Variants in MACC1 observed in about 807,000 individuals in gnomAD.
MACC1 encodes the protein metastasis-associated in colon cancer protein 1.
In MACC1, 79 loss-of-function variants were observed where a neutral mutation model predicts 70.7. The observed-to-expected ratio is 1.12, with a 90% confidence interval of 0.93 to 1.35. The LOEUF (loss-of-function observed/expected upper bound fraction) is 1.35. Ranked by LOEUF, MACC1 falls within the 40% of genes most tolerant of loss-of-function variation. MACC1 has a pLI of 0.00. For missense variants in MACC1, 1,106 were observed against 978.1 expected, an observed-to-expected ratio of 1.13 and a Z score of -1.74; for synonymous variants, 361 against 347.2, an observed-to-expected ratio of 1.04 and a Z score of -0.44.
intron 1 of MACC1, among the ~76,000 whole-genome samples, chr7:20,214,199 CT>C (rs1357412015): frequency 4.6e-5 from 7 of 152,234 alleles, no homozygotes; most frequent in African/African-American, 1.7e-4. Flanking sequence ...TTTGAGCCCC[CT>C]GTTATCCAGC....
intron 1 of MACC1, among the ~76,000 whole-genome samples, chr7:20,191,150 C>G (rs1279884154): frequency 6.6e-6 from 1 of 152,190 alleles, no homozygotes; most frequent in Non-Finnish European, 1.5e-5. Context: ...GCATTTCAAG[C>G]AGAGGGGACT....
At chr7:20,163,574 T>C (rs1583390704) in intron 3 of MACC1, among the ~76,000 whole-genome samples, 1 of 152,246 alleles carries the variant, frequency 6.6e-6, no homozygotes, top group East Asian at 1.9e-4. Context: ...CAATGAAGTA[T>C]CATACAACTA....
chr7:20,147,424 C>G (rs546518277), intron 6 of MACC1: 1 of 152,320 alleles, frequency 6.6e-6, no homozygotes, highest in African/African-American at 2.4e-5. Flanking sequence ...TATAAACTTA[C>G]AGGAACAACA....
At chr7:20,189,184 A>T (rs75437771) in intron 1 of MACC1, among the ~76,000 whole-genome samples, 4,715 of 151,964 alleles carry the variant, frequency 0.031, 223 homozygotes, top group African/African-American at 0.11. Flanking sequence ...CTTATTTTTT[A>T]AAAAAAATAA....
At position 20,164,389 on chromosome 7, in the gene MACC1, C is replaced by A. The variant is rs1425292882; in HGVS notation, c.-142G>T. ...TTTTATTTTTTAAAGAAAGCAGAAG[C>A]CTTTTCTGATCTATAAAAATGAAAG... is the stretch of plus-strand genomic sequence containing the variant. On this transcript the variant is annotated 5_prime_UTR_variant, in exon 3 of 7. Coordinates refer to ENST00000400331, the MANE Select transcript of MACC1 (RefSeq NM_182762.4). 6.6e-6 allele frequency: 1 copy of A among 151,670 alleles called. No individual in the cohort carries two copies. The highest frequency in any genetic ancestry group is 2.4e-5 in the African/African-American group (1 of 41,232). 9.4% of individuals were successfully genotyped at this position (151,670 alleles called of 1,614,324 possible). A position where few individuals can be genotyped will look rare whatever the true frequency, so the allele number is the denominator to read the frequency against.
chr7:20,175,945 C>G (rs1373445710), intron 1 of MACC1, among the ~76,000 whole-genome samples: 1 of 151,990 alleles, frequency 6.6e-6, no homozygotes, highest in Non-Finnish European at 1.5e-5. Context: ...CACTGAAAAT[C>G]AGAGATCAGT....
At chr7:20,144,585 AG>A (rs1781859037) in intron 6 of MACC1, among the ~76,000 whole-genome samples, 4 of 152,158 alleles carry the variant, frequency 2.6e-5, no homozygotes, top group African/African-American at 2.4e-5. Context: ...TCTGGCATAT[AG>A]TTTGCATTTA....
At chr7:20,162,400 C>A (rs1356653245) in intron 3 of MACC1, among the ~76,000 whole-genome samples, 1 of 152,042 alleles carries the variant, frequency 6.6e-6, no homozygotes, top group Non-Finnish European at 1.5e-5. Flanking sequence ...TGTTTTGAAG[C>A]ATGTTGTTTA....
In MACC1 at chr7:20,159,481, C is replaced by T; in HGVS notation, c.880G>A (p.Ala294Thr). The T allele has an allele frequency of 6.2e-7, 1 of 1,614,074 alleles. No homozygotes were observed. Among genetic ancestry groups the T allele is most frequent in the Non-Finnish European group, 8.5e-7 (1 of 1,180,030 alleles). ...CTGAAAGGATCCTTTCTTACTTCAG[C>T]CCCAATTTTCATCTCCAGCAAAAGG... is the stretch of plus-strand genomic sequence containing the variant. Reference protein sequence around the residue: ...EALLLEMKIGAEVRKDPFSQV... With the variant: ...EALLLEMKIGTEVRKDPFSQV... The change falls in exon 5 of 7, where the codon GCT (alanine) becomes ACT (threonine). Residue 294 changes from alanine to threonine, a missense_variant. Ala to Thr is a moderately conservative substitution (Grantham distance 58). Coordinates refer to ENST00000400331, the MANE Select transcript of MACC1 (RefSeq NM_182762.4).
chr7:20,189,702 A>C (rs1782643277), intron 1 of MACC1, among the ~76,000 whole-genome samples: 2 of 151,792 alleles, frequency 1.3e-5, no homozygotes. Context: ...AGGAGAAAAA[A>C]TGGGGAAAAG....
intron 1 of MACC1, among the ~76,000 whole-genome samples, chr7:20,202,914 T>C (rs543592339): frequency 1.1e-4 from 16 of 152,360 alleles, no homozygotes; most frequent in East Asian, 9.6e-4. Flanking sequence ...ATAGATTGTA[T>C]GTTGTCTTTG....
At chr7:20,187,701 C>G (rs1266286912) in intron 1 of MACC1, among the ~76,000 whole-genome samples, 1 of 152,200 alleles carries the variant, frequency 6.6e-6, no homozygotes, top group Non-Finnish European at 1.5e-5. Flanking sequence ...GACTTGCTTT[C>G]AATTTGGGGT....
chr7:20,199,300 G>C (rs1014094800), intron 1 of MACC1, among the ~76,000 whole-genome samples: 1 of 152,264 alleles, frequency 6.6e-6, no homozygotes, highest in Admixed American at 6.5e-5. Flanking sequence ...CACAGATAAA[G>C]AGTTGGCAAG....
At chr7:20,211,395 G>T (rs1191212160) in intron 1 of MACC1, among the ~76,000 whole-genome samples, 3 of 152,128 alleles carry the variant, frequency 2.0e-5, no homozygotes, top group African/African-American at 7.2e-5. Flanking sequence ...GTAAGTGCCT[G>T]TTAAATGGAA....
Position 20,138,098 on chromosome 7 carries a change from A to G in MACC1, c.*2848T>C, listed in dbSNP as rs1781742663. ...AACCCAGGAGGTGGAGGTTGCAGTG[A>G]GTCAAGATTGAAACACCGCACTCCA... On this transcript the variant is annotated 3_prime_UTR_variant, in exon 7 of 7. Transcript: ENST00000400331. 7.1e-6 allele frequency: 1 copy of G among 140,380 alleles called. No individual in the cohort carries two copies. Among genetic ancestry groups the G allele is most frequent in the South Asian group, 2.5e-4 (1 of 4,026 alleles). The allele number at this position is 140,380 out of a possible 1,614,324, so 8.7% of individuals were successfully genotyped here.
intron 1 of MACC1, 119 bp downstream of exon 1, chr7:20,217,180 C>T (rs1314231348): frequency 1.3e-5 from 2 of 152,170 alleles, no homozygotes; most frequent in Non-Finnish European, 2.9e-5. Flanking sequence ...TTTATTTAAG[C>T]AGGGCTTGAT....
intron 3 of MACC1, among the ~76,000 whole-genome samples, chr7:20,163,500 C>G (rs35305104): frequency 6.6e-6 from 1 of 152,176 alleles, no homozygotes; most frequent in Non-Finnish European, 1.5e-5. Flanking sequence ...ACTGAAATCC[C>G]TAGGATATTC....
chr7:20,167,816 C>G (rs1236465260), intron 2 of MACC1, among the ~76,000 whole-genome samples: 1 of 152,128 alleles, frequency 6.6e-6, no homozygotes, highest in East Asian at 1.9e-4. Flanking sequence ...GAGCCCCACT[C>G]TTGGATAGGC....
chr7:20,203,639 TC>T (rs1343328794), intron 1 of MACC1, among the ~76,000 whole-genome samples: 2 of 152,174 alleles, frequency 1.3e-5, no homozygotes, highest in Non-Finnish European at 2.9e-5. Flanking sequence ...ATTGGGATAG[TC>T]CTTCAAAAAT....
Sources: gnomAD v4.1 joint callset for allele counts (sites outside exome capture counted in the v4.1 genomes callset) on GRCh38, gnomAD v4.1.1 for gene constraint, MANE v1.5 for transcripts, NCBI Gene and HGNC (gene_info 2026-07-23, HGNC 2026-07-21) for gene names.